Variants in LAMC1 observed in about 807,000 individuals in gnomAD.
The protein encoded by LAMC1 is laminin subunit gamma-1.
A neutral mutation model predicts 173.6 loss-of-function variants in LAMC1; 38 were observed. That is an observed-to-expected ratio of 0.22 (90% CI 0.17 to 0.29). The LOEUF is 0.29. LAMC1 is among the 10% of genes least tolerant of loss of function. LAMC1 has a pLI of 1.00. For missense variants in LAMC1, 1,824 were observed against 2,051.8 expected, an observed-to-expected ratio of 0.89 and a Z score of 2.14; for synonymous variants, 746 against 749.1, an observed-to-expected ratio of 1.00 and a Z score of 0.07.
rs534951757 is a variant in LAMC1 at position 183,073,397 on chromosome 1, C to T, written c.419-29931C>T. Among the ~76,000 whole-genome samples, 557 of 152,290 alleles carry T rather than the reference C, an allele frequency of 3.7e-3. 1 individual carries two copies. The highest frequency in any genetic ancestry group is 0.013 in the African/African-American group (544 of 41,556). On this transcript the variant is annotated intron_variant, in intron 1 of 27. Coordinates refer to ENST00000258341, the MANE Select transcript of LAMC1 (RefSeq NM_002293.4). ...ATAGCTATAAAAACAAAGGTTTTGG[C>T]AGGCTTATGGGGAGACAGAGTCAGA...
intron 20 of LAMC1, among the ~76,000 whole-genome samples, chr1:183,132,123 A>T (rs1382787089): frequency 6.6e-6 from 1 of 152,138 alleles, no homozygotes; most frequent in Non-Finnish European, 1.5e-5. Context: ...ACATGGCGAA[A>T]CCCATCTCTA....
At chr1:183,132,334 C>T in intron 20 of LAMC1, 66 bp from the exon 21 acceptor site, 1 of 1,139,256 alleles carries the variant, frequency 8.8e-7, no homozygotes, top group Non-Finnish European at 1.3e-6. Context: ...TAAGCATTAC[C>T]TGAATTTTAC....
At chr1:183,123,538 T>A (rs1656539262) in intron 13 of LAMC1, among the ~76,000 whole-genome samples, 1 of 152,230 alleles carries the variant, frequency 6.6e-6, no homozygotes, top group Non-Finnish European at 1.5e-5. Context: ...CTTTCTTCCC[T>A]TGGATATTAT....
At chr1:183,126,644 G>T (rs1656628285) in intron 16 of LAMC1, among the ~76,000 whole-genome samples, 1 of 152,282 alleles carries the variant, frequency 6.6e-6, no homozygotes, top group East Asian at 1.9e-4. Context: ...TTGTTGACTT[G>T]CTGTAGTTGC....
chr1:183,117,402 G>A lies in LAMC1; in HGVS notation c.1647G>A (p.Val549=), dbSNP rs143240852. Residue 549 remains valine, a synonymous_variant, in exon 9 of 28, where the codon GTG becomes GTA. Transcript: ENST00000258341. ...CCTCTGAGAGGCAAGATATCGCCGT[G>A]ATCTCAGACAGCTACTTTCCTCGGT... The part of the protein sequence containing the change: ...EWSSERQDIA[V]ISDSYFPRYF... 2.6e-5 allele frequency: 42 copies of A among 1,613,744 alleles called. No individual in the cohort carries two copies. The highest frequency in any genetic ancestry group is 3.3e-5 in the Non-Finnish European group (39 of 1,179,770).
chr1:183,027,156 G>T (rs4369195), intron 1 of LAMC1, among the ~76,000 whole-genome samples: 1 of 151,892 alleles, frequency 6.6e-6, no homozygotes, highest in Non-Finnish European at 1.5e-5. Context: ...TGAAAACAGC[G>T]CTCTCTTAAG....
intron 1 of LAMC1, among the ~76,000 whole-genome samples, chr1:183,026,610 TCTCC>T (rs1558025345): frequency 6.6e-6 from 1 of 152,170 alleles, no homozygotes; most frequent in Non-Finnish European, 1.5e-5. Context: ...ATCTATTAAA[TCTCC>T]CTCCCAGTTC....
rs1300047579 is a variant in LAMC1 at position 183,115,563 on chromosome 1, T to C, written c.1254T>C (p.Cys418=). The change falls in exon 6 of 28, where the codon TGT becomes TGC. Residue 418 remains cysteine, a synonymous_variant. Transcript: ENST00000258341. The part of the protein sequence containing the change: ...TQCDSYGRCS[C]KPGVMGDKCD... ...GTGATAGTTACGGCAGATGCAGCTGTAAGCCAGGAGTGATGGGGGACAAAT... is the reference window on the plus strand; with the variant it reads ...GTGATAGTTACGGCAGATGCAGCTGCAAGCCAGGAGTGATGGGGGACAAAT... The C allele has an allele frequency of 1.1e-5, 17 of 1,614,144 alleles. No individual in the cohort carries two copies. The highest frequency in any genetic ancestry group is 1.4e-5 in the Non-Finnish European group (17 of 1,179,990).
At position 183,142,565 on chromosome 1, in the gene LAMC1, A is replaced by G; in HGVS notation, c.4605A>G (p.Leu1535=). The change falls in exon 28 of 28, where the codon CTA becomes CTG. Residue 1535 remains leucine, a synonymous_variant. Coordinates refer to ENST00000258341, the MANE Select transcript of LAMC1 (RefSeq NM_002293.4). ...TGGATACAGTGGACCTGAATAAGCTAAACGAGATTGAAGGCACCCTAAACA... is the reference window on the plus strand; with the variant it reads ...TGGATACAGTGGACCTGAATAAGCTGAACGAGATTGAAGGCACCCTAAACA... ...GQLDTVDLNK[L]NEIEGTLNKA... is the part of the protein sequence containing the mutation. 1 of 1,613,766 alleles carries G rather than the reference A, an allele frequency of 6.2e-7. No homozygotes were observed.
chr1:183,138,284 GTTTAA>G, intron 26 of LAMC1: 1 of 719,946 alleles, frequency 1.4e-6, no homozygotes, highest in Non-Finnish European at 1.7e-6. Context: ...CTTACATCTA[GTTTAA>G]TTTTTCACGT....
chr1:183,133,580 AC>A, intron 22 of LAMC1, 30 bp downstream of exon 22: 1 of 1,578,038 alleles, frequency 6.3e-7, no homozygotes, highest in Non-Finnish European at 8.6e-7. Context: ...GCACAGCCCC[AC>A]CCCGTCTCTC....
At chr1:183,077,095 T>G (rs1003828682) in intron 1 of LAMC1, among the ~76,000 whole-genome samples, 3 of 152,192 alleles carry the variant, frequency 2.0e-5, no homozygotes, top group Non-Finnish European at 4.4e-5. Context: ...GGGTTGCTTT[T>G]GTCTAATTTA....
At chr1:183,079,243 T>G (rs1188313735) in intron 1 of LAMC1, among the ~76,000 whole-genome samples, 6 of 66,114 alleles carry the variant, frequency 9.1e-5, no homozygotes, top group Admixed American at 8.2e-4. Context: ...TTTTTTTTTT[T>G]TTTTTTTTTT....
chr1:183,105,248 A>G (rs1655945364), intron 2 of LAMC1, among the ~76,000 whole-genome samples: 3 of 49,664 alleles, frequency 6.0e-5, no homozygotes, highest in South Asian at 1.6e-3. Context: ...AAAAAAAAAG[A>G]AAGAAAGAAA....
At chr1:183,105,650 T>C (rs766568904) in intron 2 of LAMC1, among the ~76,000 whole-genome samples, 1 of 151,790 alleles carries the variant, frequency 6.6e-6, no homozygotes, top group Non-Finnish European at 1.5e-5. Flanking sequence ...AAAAAAATGC[T>C]GTGGGCATCT....
chr1:183,140,814 G>A (rs777947171), intron 27 of LAMC1: 3 of 170,782 alleles, frequency 1.8e-5, no homozygotes, highest in Admixed American at 6.3e-5. Context: ...TACTTACTAG[G>A]TGCCTTCTGT....
intron 27 of LAMC1, 39 bp downstream of exon 27, chr1:183,140,542 CTT>C (rs1657086039): frequency 7.4e-7 from 1 of 1,346,064 alleles, no homozygotes; most frequent in Non-Finnish European, 1.1e-6. Flanking sequence ...GTCTCTGAAT[CTT>C]TTGTACTGTT....
intron 1 of LAMC1, among the ~76,000 whole-genome samples, chr1:183,050,710 G>T (rs890906097): frequency 1.6e-4 from 24 of 150,046 alleles, no homozygotes; most frequent in African/African-American, 5.6e-4. Context: ...TGACCAACAT[G>T]GTGAAACCCC....
intron 1 of LAMC1, among the ~76,000 whole-genome samples, chr1:183,042,896 C>T (rs1300615939): frequency 6.6e-6 from 1 of 152,192 alleles, no homozygotes; most frequent in Non-Finnish European, 1.5e-5. Context: ...CGGAGGAGCA[C>T]ATCCCACATG....
Sources: gnomAD v4.1 joint callset for allele counts (sites outside exome capture counted in the v4.1 genomes callset) on GRCh38, gnomAD v4.1.1 for gene constraint, MANE v1.5 for transcripts, NCBI Gene and HGNC (gene_info 2026-07-23, HGNC 2026-07-21) for gene names.